The following LRP8 variants were observed in gnomAD, a reference collection of about 807,000 sequenced individuals.
LRP8 encodes the protein LDL receptor related protein 8, also known as low-density lipoprotein receptor-related protein 8.
Under a neutral mutation model 111.6 loss-of-function variants are expected in LRP8, and 46 were observed. The observed-to-expected ratio is 0.41, with a 90% CI of 0.33 to 0.53. The LOEUF (loss-of-function observed/expected upper bound fraction) is 0.53, where lower values mean the gene tolerates loss of function less well. Among genes scored for constraint, LRP8 ranks in the 20% least tolerant of loss-of-function variants. The pLI, the probability that LRP8 is intolerant of heterozygous loss-of-function variation, is 0.20. For missense variants in LRP8, 959 were observed against 1,297.4 expected (o/e 0.74, Z 4.01); for synonymous variants, 464 against 511.2 (o/e 0.91, Z 1.24).
intron 2 of LRP8, among the ~76,000 whole-genome samples, chr1:53,310,263 C>A (rs1357244492): frequency 6.6e-6 from 1 of 151,896 alleles, no homozygotes; most frequent in African/African-American, 2.4e-5. Context: ...CCTCCTCAGC[C>A]TTGCCCCCTC....
At position 53,327,814 on chromosome 1, in the gene LRP8, C is replaced by A. The variant is rs1655368185; in HGVS notation, c.99G>T (p.Ala33=). 6.6e-7 allele frequency: 1 copy of A among 1,511,708 alleles called. No individual in the cohort carries two copies. Among genetic ancestry groups the A allele is most frequent in the Non-Finnish European group, 8.8e-7 (1 of 1,136,152 alleles). 93.6% of individuals were successfully genotyped at this position (1,511,708 alleles called of 1,614,324 possible). The part of the protein sequence containing the change: ...LLQLQHLAAA[A]ADPLLGGQGP... ...CTTGGCCGCCGAGCAGCGGATCAGC[C>A]GCTGCCGCCGCAAGATGCTGGAGCT... Residue 33 remains alanine, a synonymous_variant, in exon 1 of 19, where the codon GCG becomes GCT. Coordinates refer to ENST00000306052, the MANE Select transcript of LRP8 (RefSeq NM_004631.5).
chr1:53,292,339 T>G (rs1459019682), intron 2 of LRP8, among the ~76,000 whole-genome samples: 1 of 151,974 alleles, frequency 6.6e-6, no homozygotes, highest in African/African-American at 2.4e-5. Flanking sequence ...ATGGGTAGAT[T>G]GAGGCCCAGA....
intron 16 of LRP8, among the ~76,000 whole-genome samples, chr1:53,251,864 C>T (rs1353895152): frequency 6.6e-6 from 1 of 150,786 alleles, no homozygotes; most frequent in East Asian, 2.0e-4. Context: ...GCCAACATGG[C>T]GAAAACCCAT....
intron 8 of LRP8, chr1:53,268,365 TG>T (rs79395289): frequency 0.31 from 47,506 of 152,138 alleles, 8,864 homozygotes; most frequent in East Asian, 0.43. Context: ...GTGTGGATTT[TG>T]TATATGCATG....
At chr1:53,312,304 C>T (rs1435511096) in intron 2 of LRP8, among the ~76,000 whole-genome samples, 1 of 152,238 alleles carries the variant, frequency 6.6e-6, no homozygotes, top group East Asian at 1.9e-4. Context: ...TCCAGACCTT[C>T]CAAGATCCTC....
intron 16 of LRP8, among the ~76,000 whole-genome samples, chr1:53,254,875 A>G (rs997165806): frequency 1.3e-5 from 2 of 151,944 alleles, no homozygotes; most frequent in African/African-American, 4.8e-5. Context: ...TGGAGTGTAG[A>G]GTGTGAATCG....
chr1:53,280,529 C>T, intron 4 of LRP8, 58 bp downstream of exon 4: 6 of 1,584,676 alleles, frequency 3.8e-6, no homozygotes, highest in African/African-American at 1.3e-5. Flanking sequence ...GTGGCTGCCA[C>T]TCCCTGAGGC....
chr1:53,267,916 G>A (rs1646634533), intron 8 of LRP8: 1 of 152,294 alleles, frequency 6.6e-6, no homozygotes. Flanking sequence ...TCCTTCTCTT[G>A]TTTTCCAGCT....
intron 2 of LRP8, among the ~76,000 whole-genome samples, chr1:53,298,012 TC>T (rs1172334605): frequency 1.3e-5 from 2 of 152,126 alleles, no homozygotes; most frequent in South Asian, 2.1e-4. Flanking sequence ...TGAACACATC[TC>T]TAAGGGCCCC....
chr1:53,289,376 G>A, intron 3 of LRP8, 191 bp downstream of exon 3: 1 of 676,884 alleles, frequency 1.5e-6, no homozygotes, highest in Non-Finnish European at 2.3e-6. Flanking sequence ...ACCTACAAGA[G>A]GGCTGTGAAG....
At chr1:53,252,791 T>G (rs1553175006) in intron 16 of LRP8, among the ~76,000 whole-genome samples, 2 of 152,188 alleles carry the variant, frequency 1.3e-5, no homozygotes, top group Non-Finnish European at 2.9e-5. Flanking sequence ...TGATAAAAAC[T>G]TCACCAAAAT....
At chr1:53,280,218 T>TG (rs778241203) in intron 4 of LRP8, among the ~76,000 whole-genome samples, 7 of 152,144 alleles carry the variant, frequency 4.6e-5, no homozygotes, top group Non-Finnish European at 1.0e-4. Context: ...GCTCCAAGAT[T>TG]GGCAGACTTG....
intron 13 of LRP8, 91 bp from the exon 14 acceptor site, chr1:53,258,562 C>T: frequency 8.3e-7 from 1 of 1,201,174 alleles, no homozygotes; most frequent in Non-Finnish European, 1.2e-6. Context: ...ACCTGGCTTG[C>T]TCAAAAAGCT....
At chr1:53,260,152 T>G (rs1040204928) in intron 13 of LRP8, among the ~76,000 whole-genome samples, 2 of 152,246 alleles carry the variant, frequency 1.3e-5, no homozygotes, top group East Asian at 1.9e-4. Context: ...TTCTGCCACC[T>G]GCTAACATTA....
chr1:53,257,657 A>G (rs556834151), intron 14 of LRP8, among the ~76,000 whole-genome samples, 193 bp from the exon 15 acceptor site: 13 of 152,244 alleles, frequency 8.5e-5, no homozygotes, highest in Non-Finnish European at 1.5e-4. Context: ...TTGATTCAAT[A>G]AAGATGAGTC....
chr1:53,281,312 C>T (rs557988812), intron 3 of LRP8, among the ~76,000 whole-genome samples: 9 of 152,320 alleles, frequency 5.9e-5, no homozygotes, highest in East Asian at 3.9e-4. Flanking sequence ...TTACTGCAGC[C>T]GCAATCAGAG....
Position 53,250,123 on chromosome 1 carries a change from T to C in LRP8, c.2676+567A>G, listed in dbSNP as rs75854125. Among the ~76,000 whole-genome samples the C allele has an allele frequency of 0.011, 1,717 of 152,334 alleles. 113 individuals carry two copies. In the East Asian group the frequency reaches 0.2, roughly 18 times the overall value. ...GGCATTCAGCACACAATTATACCAC[T>C]GTATGTTAGTATCTCTAACTCCCTA... is the stretch of plus-strand genomic sequence containing the variant. On this transcript the variant is annotated intron_variant, in intron 17 of 18. Coordinates refer to ENST00000306052, the MANE Select transcript of LRP8 (RefSeq NM_004631.5). This position sits in a 1 kb window ranked among gnomAD's most constrained non-coding sequence, Gnocchi z 4.6.
At chr1:53,304,056 G>A (rs765500619) in intron 2 of LRP8, among the ~76,000 whole-genome samples, 2 of 152,090 alleles carry the variant, frequency 1.3e-5, no homozygotes, top group Non-Finnish European at 2.9e-5. Context: ...GGTTTCGGTG[G>A]GAAAAAGAAA....
Position 53,303,408 on chromosome 1 carries a change from T to A in LRP8, c.245-13719A>T, listed in dbSNP as rs1651353583. 6.6e-6 allele frequency among the ~76,000 whole-genome samples: 1 copy of A among 152,068 alleles called. No homozygotes were observed. The highest frequency in any genetic ancestry group is 1.9e-4 in the East Asian group (1 of 5,182). ...TGGCCCAGCCCTTGGATTTCATACA[T>A]GAGAAAAGGGGCCACAGCAGCCTCG... On this transcript the variant is annotated intron_variant, in intron 2 of 18. Transcript: ENST00000306052. This position sits in a 1 kb window ranked among gnomAD's most constrained non-coding sequence, Gnocchi z 4.3.
Sources: gnomAD v4.1 joint callset for allele counts (sites outside exome capture counted in the v4.1 genomes callset) on GRCh38, gnomAD v4.1.1 for gene constraint, Gnocchi (gnomAD v3.1) non-coding constraint, MANE v1.5 for transcripts, NCBI Gene and HGNC (gene_info 2026-07-23, HGNC 2026-07-21) for gene names.